The following USP31 variants were observed in gnomAD, a reference collection of about 807,000 sequenced individuals.
The protein encoded by USP31 is ubiquitin specific peptidase 31.
Under a neutral mutation model 119.4 loss-of-function variants are expected in USP31, and 44 were observed. That is an observed-to-expected ratio of 0.37 (90% CI 0.29 to 0.47). USP31 has a LOEUF of 0.47. Among genes scored for constraint, USP31 ranks in the 20% least tolerant of loss-of-function variants. The pLI, the probability that USP31 is intolerant of heterozygous loss-of-function variation, is 0.99. For missense variants in USP31, 1,643 were observed against 1,730.2 expected, an observed-to-expected ratio of 0.95 and a Z score of 0.89; for synonymous variants, 749 against 705.6, an observed-to-expected ratio of 1.06 and a Z score of -0.97.
Position 23,149,116 on chromosome 16 carries a change from G to C in USP31, c.155C>G (p.Pro52Arg), listed in dbSNP as rs1903636110. 7.9e-7 allele frequency: 1 copy of C among 1,258,098 alleles called. No homozygotes were observed. Among genetic ancestry groups the C allele is most frequent in the South Asian group, 2.1e-5 (1 of 47,156 alleles). The allele number at this position is 1,258,098 out of a possible 1,614,324, so 77.9% of individuals were successfully genotyped here. ...GASGPAAPSS[P>R]SSPSSARSVG... ...CGAGCGTGCAGAGGAGGGCGAGGAGGGCGAGGAAGGCGCGGCCGGCCCGGA... is the reference window on the plus strand; with the variant it reads ...CGAGCGTGCAGAGGAGGGCGAGGAGCGCGAGGAAGGCGCGGCCGGCCCGGA... Residue 52 changes from proline to arginine, a missense_variant, in exon 1 of 16, where the codon CCC becomes CGC. This residue lies in a region of USP31 where 302 missense variants were observed against 262.6 expected (regional missense o/e 1.15). Transcript: ENST00000219689.
rs192043884 is a variant in USP31, at chr16:23,140,699, C to T, written c.633+7939G>A. ...ATCTTCTGAGTTCCTTACCCAGCTG[C>T]CTACTAGACATCTCCTGAGTGTACT... On this transcript the variant is annotated intron_variant, in intron 1 of 15. Coordinates refer to ENST00000219689, the MANE Select transcript of USP31 (RefSeq NM_020718.4). Among the ~76,000 whole-genome samples, 13 of 152,282 alleles carry T rather than the reference C, an allele frequency of 8.5e-5. No individual in the cohort carries two copies. In the East Asian group the frequency reaches 2.5e-3, roughly 29 times the overall value.
chr16:23,069,564 T>G lies in USP31; in HGVS notation c.2541A>C (p.Ser847=). 1 of 1,613,840 alleles carries G rather than the reference T, an allele frequency of 6.2e-7. No homozygotes were observed. Among genetic ancestry groups the G allele is most frequent in the Non-Finnish European group, 8.5e-7 (1 of 1,179,736 alleles). The change falls in exon 16 of 16, where the codon TCA becomes TCC. Residue 847 remains serine (S), a synonymous_variant. Coordinates refer to ENST00000219689, the MANE Select transcript of USP31 (RefSeq NM_020718.4). ...AGGGGCTGGTGACAGAAGATCTGGA[T>G]GACAAACTCTGACGCTGGACACTTC... is the stretch of plus-strand genomic sequence containing the variant. ...FVRSVQRQSL[S]SRSSVTSPLA... is the part of the protein sequence containing the mutation.
Position 23,085,792 on chromosome 16 carries a change from C to G in USP31, c.1623-130G>C, listed in dbSNP as rs142801820. The stretch of plus-strand genomic sequence containing the variant: ...TAATGAAAATCTTCATCATAGTTCC[C>G]CATCAGAAAAAAGTTTTCAGCAAGA... On this transcript the variant is annotated intron_variant, in intron 9 of 15. Coordinates refer to ENST00000219689, the MANE Select transcript of USP31 (RefSeq NM_020718.4). 4.3e-4 allele frequency: 367 copies of G among 847,300 alleles called. 2 individuals carry two copies. The African/African-American group carries it at 5.9e-3, about 14-fold the overall frequency. The allele number at this position is 847,300 out of a possible 1,614,324, so 52.5% of individuals were successfully genotyped here.
At chr16:23,146,668 G>A (rs1903516324) in intron 1 of USP31, among the ~76,000 whole-genome samples, 3 of 152,130 alleles carry the variant, frequency 2.0e-5, no homozygotes, top group African/African-American at 7.2e-5. Flanking sequence ...GCATTGAGCA[G>A]CATAAGATGT....
intron 1 of USP31, among the ~76,000 whole-genome samples, chr16:23,131,803 T>C (rs908736446): frequency 6.6e-6 from 1 of 152,100 alleles, no homozygotes; most frequent in African/African-American, 2.4e-5. Flanking sequence ...GTTTCTTAAA[T>C]CTCCTGACAA....
chr16:23,147,215 T>G lies in USP31; in HGVS notation c.633+1423A>C, dbSNP rs1430315017. Among the ~76,000 whole-genome samples the G allele has an allele frequency of 2.0e-5, 3 of 152,188 alleles. No individual in the cohort carries two copies. In the East Asian group the frequency reaches 5.8e-4, roughly 29 times the overall value. ...CGTCCGCCTCCCAGGTTCAAGCAATTCTCCTGCCTCAGCCTCCTGAGTAGC... is the reference window on the plus strand; with the variant it reads ...CGTCCGCCTCCCAGGTTCAAGCAATGCTCCTGCCTCAGCCTCCTGAGTAGC... On this transcript the variant is annotated intron_variant, in intron 1 of 15. Coordinates refer to ENST00000219689, the MANE Select transcript of USP31 (RefSeq NM_020718.4).
In USP31 at chr16:23,068,039, A is replaced by G; in HGVS notation, c.*7T>C. 6.2e-7 allele frequency: 1 copy of G among 1,601,234 alleles called. No individual in the cohort carries two copies. The highest frequency in any genetic ancestry group is 1.3e-5 in the African/African-American group (1 of 74,336). On this transcript the variant is annotated 3_prime_UTR_variant, in exon 16 of 16. Transcript: ENST00000219689. ...TTTACAGATAAAACACTTTGATTGC[A>G]GAAATATCACTGAGGTTTTTGAGAA...
intron 7 of USP31, 40 bp downstream of exon 7, chr16:23,090,584 T>C (rs759271298): frequency 1.6e-5 from 25 of 1,522,326 alleles, no homozygotes; most frequent in Non-Finnish European, 2.1e-5. Context: ...ACTGAACTGT[T>C]ACAGTCTAGG....
intron 6 of USP31, among the ~76,000 whole-genome samples, chr16:23,093,985 T>A (rs757367392): frequency 6.6e-6 from 1 of 152,084 alleles, no homozygotes; most frequent in Non-Finnish European, 1.5e-5. Flanking sequence ...GTTCATCTCA[T>A]TGGGACGGTT....
At chr16:23,113,615 C>G (rs1354646157) in intron 1 of USP31, among the ~76,000 whole-genome samples, 3 of 152,116 alleles carry the variant, frequency 2.0e-5, no homozygotes, top group African/African-American at 4.8e-5. Context: ...CTCAATGAAG[C>G]AGAATATTTA....
rs535907828 is a variant in USP31, at chr16:23,090,342, C to T, written c.1415+282G>A. ...CAGAGGTTGCAGTGAACCGAGATCG[C>T]GCAACTACACTCCAGCCTGGGCAAC... is the stretch of plus-strand genomic sequence containing the variant. On this transcript the variant is annotated intron_variant, in intron 7 of 15. Coordinates refer to ENST00000219689, the MANE Select transcript of USP31 (RefSeq NM_020718.4). Among the ~76,000 whole-genome samples, 5 of 152,164 alleles carry T rather than the reference C, an allele frequency of 3.3e-5. No homozygotes were observed. In the East Asian group the frequency reaches 5.8e-4, roughly 18 times the overall value.
Sources: gnomAD v4.1 joint callset for allele counts (sites outside exome capture counted in the v4.1 genomes callset) on GRCh38, gnomAD v4.1.1 for gene constraint, gnomAD v4.1.1 regional missense constraint, MANE v1.5 for transcripts, NCBI Gene and HGNC (gene_info 2026-07-23, HGNC 2026-07-21) for gene names.